BMPER: variants seen among roughly 807,000 people sequenced by gnomAD.
BMPER encodes the protein BMP-binding endothelial regulator protein.
Under a neutral mutation model 87.3 loss-of-function variants are expected in BMPER, and 45 were observed. The ratio of observed to expected loss-of-function variants is 0.52; its 90% CI spans 0.41 to 0.66. The LOEUF (loss-of-function observed/expected upper bound fraction) is 0.66. Ranked by LOEUF, BMPER falls within the 30% of genes least tolerant of loss-of-function variation. The pLI is 0.00. For missense variants in BMPER, 784 were observed against 867.5 expected, an observed-to-expected ratio of 0.90 and a Z score of 1.21; for synonymous variants, 326 against 316.2, an observed-to-expected ratio of 1.03 and a Z score of -0.33.
chr7:34,097,574 A>G (rs1215258423), intron 13 of BMPER, among the ~76,000 whole-genome samples: 2 of 152,098 alleles, frequency 1.3e-5, no homozygotes, highest in Admixed American at 6.5e-5. Context: ...AAGCTTTAGC[A>G]TGAAATGGAA....
At chr7:34,050,850 C>G (rs1205981959) in intron 7 of BMPER, among the ~76,000 whole-genome samples, 2 of 152,180 alleles carry the variant, frequency 1.3e-5, no homozygotes, top group Non-Finnish European at 2.9e-5. Context: ...CAAGCCAGTT[C>G]TACAGAGATA....
intron 13 of BMPER, among the ~76,000 whole-genome samples, chr7:34,137,552 T>A (rs1790751308): frequency 6.6e-6 from 1 of 152,232 alleles, no homozygotes; most frequent in Non-Finnish European, 1.5e-5. Context: ...AAAGAGATGA[T>A]GTTTCAAAGG....
At chr7:34,120,021 A>G (rs896935560) in intron 13 of BMPER, among the ~76,000 whole-genome samples, 4 of 152,214 alleles carry the variant, frequency 2.6e-5, no homozygotes, top group Admixed American at 2.6e-4. Flanking sequence ...GTACATGCCC[A>G]TTCCCAATAA....
intron 12 of BMPER, among the ~76,000 whole-genome samples, chr7:34,084,761 A>G (rs1462504436): frequency 1.3e-5 from 2 of 152,188 alleles, no homozygotes; most frequent in Admixed American, 6.5e-5. Flanking sequence ...ACAGCATAAC[A>G]TGGCTGTTCT....
chr7:34,052,270 T>G (rs1285319911), intron 8 of BMPER, among the ~76,000 whole-genome samples: 3 of 152,210 alleles, frequency 2.0e-5, no homozygotes, highest in African/African-American at 7.2e-5. Context: ...GCCCTCTGGC[T>G]CTAATTATCC....
chr7:34,106,447 T>C (rs773871046), intron 13 of BMPER, among the ~76,000 whole-genome samples: 19 of 152,214 alleles, frequency 1.2e-4, no homozygotes, highest in Admixed American at 8.5e-4. Context: ...AAAATGAATG[T>C]GGAGCATGGA....
intron 13 of BMPER, among the ~76,000 whole-genome samples, chr7:34,123,613 C>G (rs1428109473): frequency 6.6e-6 from 1 of 152,148 alleles, no homozygotes; most frequent in Non-Finnish European, 1.5e-5. Context: ...CTGAACTCCA[C>G]TCTCATCTCC....
intron 13 of BMPER, among the ~76,000 whole-genome samples, chr7:34,092,997 A>C (rs938720272): frequency 4.6e-5 from 7 of 152,242 alleles, no homozygotes; most frequent in Non-Finnish European, 8.8e-5. Context: ...AAAGTTAGAA[A>C]GGGCACAGTC....
At chr7:33,978,245 C>T (rs1376923339) in intron 6 of BMPER, among the ~76,000 whole-genome samples, 1 of 152,200 alleles carries the variant, frequency 6.6e-6, no homozygotes, top group Non-Finnish European at 1.5e-5. Context: ...AACAAGGCGC[C>T]ATCTTGGAAG....
chr7:34,063,955 T>C (rs1164386114), intron 11 of BMPER, among the ~76,000 whole-genome samples: 2 of 152,250 alleles, frequency 1.3e-5, no homozygotes, highest in Non-Finnish European at 2.9e-5. Context: ...GCCAATCACA[T>C]TGTTGTCAGG....
In BMPER at chr7:33,937,274, T is replaced by A. The variant is rs780431980; in HGVS notation, c.220-15T>A. On this transcript the variant is annotated splice_polypyrimidine_tract_variant and intron_variant, in intron 2 of 14. Transcript: ENST00000649409. ...TGATGTCTATTTCAAATCTCTCGTG[T>A]CTCTTTTTGTCTAGAACAAGGAAGT... 2.8e-5 allele frequency: 45 copies of A among 1,610,520 alleles called. No homozygotes were observed. Among genetic ancestry groups the A allele is most frequent in the Non-Finnish European group, 3.2e-5 (38 of 1,176,714 alleles).
intron 2 of BMPER, among the ~76,000 whole-genome samples, chr7:33,936,263 T>G (rs911416640): frequency 6.6e-6 from 1 of 152,170 alleles, no homozygotes; most frequent in Non-Finnish European, 1.5e-5. Flanking sequence ...AGCCGGCCAG[T>G]TGCTCCTCTC....
intron 6 of BMPER, among the ~76,000 whole-genome samples, chr7:34,004,154 T>C (rs1219667283): frequency 6.6e-6 from 1 of 152,150 alleles, no homozygotes; most frequent in African/African-American, 2.4e-5. Flanking sequence ...TCATTTATTC[T>C]TTCTTCTGCC....
intron 2 of BMPER, among the ~76,000 whole-genome samples, chr7:33,918,780 G>T (rs1784144982): frequency 6.6e-6 from 1 of 152,194 alleles, no homozygotes; most frequent in Admixed American, 6.5e-5. Context: ...TGATTCTGGT[G>T]CCCAGTGGGA....
upstream of BMPER, chr7:33,905,245 G>A: frequency 2.9e-6 from 1 of 340,278 alleles, no homozygotes; most frequent in Non-Finnish European, 5.6e-6. Flanking sequence ...TGCGCAGTCG[G>A]CAGCGCCGCA....
intron 4 of BMPER, among the ~76,000 whole-genome samples, chr7:33,968,275 A>G (rs1785454721): frequency 6.6e-6 from 1 of 152,182 alleles, no homozygotes; most frequent in African/African-American, 2.4e-5. Flanking sequence ...CAATACGCAG[A>G]AAAGCAACCT....
intron 13 of BMPER, among the ~76,000 whole-genome samples, chr7:34,105,569 T>A (rs1245496264): frequency 6.6e-6 from 1 of 152,224 alleles, no homozygotes; most frequent in African/African-American, 2.4e-5. Context: ...GTCTTGTTAT[T>A]TTCCAATGGA....
chr7:34,120,188 G>T (rs1159381079), intron 13 of BMPER, among the ~76,000 whole-genome samples: 1 of 152,182 alleles, frequency 6.6e-6, no homozygotes, highest in Non-Finnish European at 1.5e-5. Context: ...AATTGAAATT[G>T]TGTGATTTAA....
At chr7:33,976,431 G>C (rs11505326) in intron 6 of BMPER, among the ~76,000 whole-genome samples, 20,994 of 152,178 alleles carry the variant, frequency 0.14, 1,924 homozygotes, top group Admixed American at 0.24. Flanking sequence ...GGGATTACAG[G>C]TGTGAGCCGC....
Sources: gnomAD v4.1 joint callset for allele counts (sites outside exome capture counted in the v4.1 genomes callset) on GRCh38, gnomAD v4.1.1 for gene constraint, MANE v1.5 for transcripts, NCBI Gene and HGNC (gene_info 2026-07-23, HGNC 2026-07-21) for gene names.